CIB2: variants seen among roughly 807,000 people sequenced by gnomAD.
The protein encoded by CIB2 is calcium and integrin-binding family member 2.
A neutral mutation model predicts 23.1 loss-of-function variants in CIB2; 19 were observed. That is an observed-to-expected ratio of 0.82 (90% CI 0.57 to 1.21). CIB2 has a LOEUF of 1.21. Among genes scored for constraint, CIB2 ranks in the 50% most tolerant of loss-of-function variants. The pLI is 0.00. For missense variants in CIB2, 220 were observed against 241.5 expected, an observed-to-expected ratio of 0.91 and a Z score of 0.59; for synonymous variants, 94 against 91.7, an observed-to-expected ratio of 1.03 and a Z score of -0.14.
rs1054830825 is a variant in CIB2 at position 78,105,180 on chromosome 15, G to A, written c.*131C>T. On this transcript the variant is annotated 3_prime_UTR_variant, in exon 6 of 6. Transcript: ENST00000258930. ...GTTAAGGTTTTTTTTTTGCTGAAAG[G>A]GCCACAGGATATATTTGTGGTGTAA... is the stretch of plus-strand genomic sequence containing the variant. The A allele has an allele frequency of 7.9e-6, 10 of 1,267,096 alleles. No individual in the cohort carries two copies. In the African/African-American group the frequency reaches 1.2e-4, roughly 15 times the overall value. The allele number at this position is 1,267,096 out of a possible 1,614,324, so 78.5% of individuals were successfully genotyped here. A position where few individuals can be genotyped will look rare whatever the true frequency, so the allele number is the denominator to read the frequency against.
chr15:78,109,253 A>C lies in CIB2; in HGVS notation c.328T>G (p.Tyr110Asp). The change falls in exon 4 of 6, where the codon TAT (tyrosine) becomes GAT (aspartate). Residue 110 changes from tyrosine (Y) to aspartate (D), a missense_variant. Coordinates refer to ENST00000258930, the MANE Select transcript of CIB2 (RefSeq NM_006383.4). ...ESAPRELKAN[Y>D]AFKIYDFNTD... ...TGGTTACCATAGATCTTGAAGGCAT[A>C]GTTTGCCTTGAGCTCTCGGGGAGCC... The C allele has an allele frequency of 6.6e-7, 1 of 1,513,382 alleles. No individual in the cohort carries two copies. The highest frequency in any genetic ancestry group is 1.1e-5 in the South Asian group (1 of 89,386). The allele number at this position is 1,513,382 out of a possible 1,614,324, so 93.7% of individuals were successfully genotyped here.
chr15:78,128,851 C>T (rs2074416168), intron 1 of CIB2, among the ~76,000 whole-genome samples: 3 of 152,124 alleles, frequency 2.0e-5, no homozygotes. Flanking sequence ...AGGGCCCTGG[C>T]TGTCGTGATG....
At chr15:78,120,972 G>A (rs890624732) in intron 2 of CIB2, among the ~76,000 whole-genome samples, 8 of 152,128 alleles carry the variant, frequency 5.3e-5, no homozygotes, top group African/African-American at 1.7e-4. Flanking sequence ...TTTGTCACCC[G>A]GACCTGAGAT....
chr15:78,126,569 A>G lies in CIB2; in HGVS notation c.52-2830T>C, dbSNP rs183765339. Among the ~76,000 whole-genome samples, 1,065 of 152,308 alleles carry G rather than the reference A, an allele frequency of 7.0e-3. 9 individuals are homozygous for G. Among genetic ancestry groups the G allele is most frequent in the African/African-American group, 0.023 (974 of 41,566 alleles). The stretch of plus-strand genomic sequence containing the variant: ...CTACAAACAGAGCCATGACCACTGT[A>G]CACCAGCCACTCCATGTCCTGCGTC... On this transcript the variant is annotated intron_variant, in intron 1 of 5. Transcript: ENST00000258930.
At chr15:78,128,694 CAAAA>C (rs531565613) in intron 1 of CIB2, among the ~76,000 whole-genome samples, 1 of 54,512 alleles carries the variant, frequency 1.8e-5, no homozygotes. Context: ...GACTCCGTCT[CAAAA>C]AAAAAAAAAA....
At chr15:78,115,297 G>A (rs8031028) in intron 2 of CIB2, among the ~76,000 whole-genome samples, 13,983 of 151,920 alleles carry the variant, frequency 0.092, 716 homozygotes, top group Non-Finnish European at 0.12. Context: ...TCGCTCTTTC[G>A]CCCAGGCTGG....
At chr15:78,105,408 A>G (rs2074051553) in intron 5 of CIB2, 76 bp from the exon 6 acceptor site, 1 of 1,602,202 alleles carries the variant, frequency 6.2e-7, no homozygotes. Flanking sequence ...GGAAAAGCAC[A>G]GCAGGCCCCA....
intron 2 of CIB2, among the ~76,000 whole-genome samples, chr15:78,121,023 A>T (rs1249269360): frequency 2.6e-5 from 4 of 152,128 alleles, no homozygotes; most frequent in Admixed American, 2.0e-4. Flanking sequence ...GCAGTCAGTC[A>T]TGCTGGCCTC....
intron 4 of CIB2, among the ~76,000 whole-genome samples, chr15:78,108,296 A>G (rs559946248): frequency 6.6e-6 from 1 of 152,184 alleles, no homozygotes; most frequent in African/African-American, 2.4e-5. Context: ...TGTCTGATCA[A>G]ACGTGCTGAG....
intron 2 of CIB2, chr15:78,120,717 G>A (rs546780140): frequency 8.1e-6 from 8 of 985,484 alleles, no homozygotes; most frequent in African/African-American, 3.5e-5. Flanking sequence ...TCTGTGACTC[G>A]GTATCACTGC....
chr15:78,107,916 A>G, intron 4 of CIB2, among the ~76,000 whole-genome samples: 1 of 152,334 alleles, frequency 6.6e-6, no homozygotes, highest in East Asian at 1.9e-4. Flanking sequence ...TCACACCTGT[A>G]ATCACAGCAC....
At chr15:78,121,284 C>A (rs868410472) in intron 2 of CIB2, among the ~76,000 whole-genome samples, 1 of 152,200 alleles carries the variant, frequency 6.6e-6, no homozygotes, top group Non-Finnish European at 1.5e-5. Flanking sequence ...CCCCATGCTG[C>A]AGACGGGGCC....
chr15:78,129,477 C>T (rs778360680), intron 1 of CIB2, among the ~76,000 whole-genome samples: 3 of 151,924 alleles, frequency 2.0e-5, no homozygotes, highest in Admixed American at 6.6e-5. Flanking sequence ...AAGCCTTTAT[C>T]CACGCTGTCC....
intron 1 of CIB2, among the ~76,000 whole-genome samples, chr15:78,126,140 GC>G (rs55741935): frequency 0.037 from 4,748 of 129,838 alleles, 147 homozygotes; most frequent in South Asian, 0.18. Flanking sequence ...CCTTTCCCCT[GC>G]CCCCCCCCCT....
At chr15:78,110,442 G>T (rs939809266) in intron 3 of CIB2, among the ~76,000 whole-genome samples, 3 of 152,188 alleles carry the variant, frequency 2.0e-5, no homozygotes, top group African/African-American at 7.2e-5. Flanking sequence ...CAGAGTGCAG[G>T]CCCCAAGTGG....
At chr15:78,122,198 G>A (rs1266637465) in intron 2 of CIB2, among the ~76,000 whole-genome samples, 1 of 152,198 alleles carries the variant, frequency 6.6e-6, no homozygotes, top group African/African-American at 2.4e-5. Context: ...GCAGGGTGTT[G>A]GGGGTGCTTA....
rs547050361 is a variant in CIB2, at chr15:78,105,718, C to T, written c.542+21G>A. On this transcript the variant is annotated intron_variant, in intron 5 of 5. Transcript: ENST00000258930. ...TGCCCTGCTCTGCCCTGCCCAAGCC[C>T]GGCCCCTGTAGTGGCAGCACCTGAG... 2.0e-5 allele frequency: 32 copies of T among 1,613,658 alleles called. No homozygotes were observed. In the East Asian group the frequency reaches 2.9e-4, roughly 15 times the overall value.
At chr15:78,122,137 C>A (rs2074328655) in intron 2 of CIB2, among the ~76,000 whole-genome samples, 1 of 152,164 alleles carries the variant, frequency 6.6e-6, no homozygotes, top group South Asian at 2.1e-4. Context: ...GGTCCAGGAA[C>A]CCAAGGAGCC....
chr15:78,106,000 G>T, intron 4 of CIB2, 66 bp from the exon 5 acceptor site: 2 of 1,347,136 alleles, frequency 1.5e-6, no homozygotes, highest in Non-Finnish European at 2.1e-6. Flanking sequence ...CTACACTATA[G>T]CTCTTCCTCC....
Sources: gnomAD v4.1 joint callset for allele counts (sites outside exome capture counted in the v4.1 genomes callset) on GRCh38, gnomAD v4.1.1 for gene constraint, MANE v1.5 for transcripts, NCBI Gene and HGNC (gene_info 2026-07-23, HGNC 2026-07-21) for gene names.